Variants in FGD4 observed in about 807,000 individuals in gnomAD.
FGD4 encodes the protein FYVE, RhoGEF and PH domain-containing protein 4.
Under a neutral mutation model 102.0 loss-of-function variants are expected in FGD4, and 42 were observed. That is an observed-to-expected ratio of 0.41 (90% CI 0.32 to 0.53). FGD4 has a LOEUF of 0.53. FGD4 is among the 20% of genes least tolerant of loss of function. The pLI, the probability that FGD4 is intolerant of heterozygous loss-of-function variation, is 0.21. For synonymous variants in FGD4, 380 were observed against 375.7 expected, an observed-to-expected ratio of 1.01 and a Z score of -0.13; for missense variants, 902 against 1,078.2, an observed-to-expected ratio of 0.84 and a Z score of 2.29.
At chr12:32,516,658 C>G (rs1047463116) in intron 1 of FGD4, among the ~76,000 whole-genome samples, 1 of 152,198 alleles carries the variant, frequency 6.6e-6, no homozygotes, top group Non-Finnish European at 1.5e-5. Context: ...TTGGCATAAA[C>G]TCTCACATTT....
intron 1 of FGD4, among the ~76,000 whole-genome samples, chr12:32,428,637 T>C (rs1241012611): frequency 1.3e-5 from 2 of 152,236 alleles, no homozygotes; most frequent in Non-Finnish European, 2.9e-5. Flanking sequence ...GAAGTTCTCC[T>C]GGATAATATC....
At chr12:32,606,068 A>T (rs1265322810) in intron 7 of FGD4, among the ~76,000 whole-genome samples, 1 of 152,212 alleles carries the variant, frequency 6.6e-6, no homozygotes, top group African/African-American at 2.4e-5. Context: ...ACCTTAGGAA[A>T]CGCTCCTAAA....
chr12:32,447,972 TGTCTGTGTTGG>T, intron 1 of FGD4, among the ~76,000 whole-genome samples: 1 of 152,242 alleles, frequency 6.6e-6, no homozygotes, highest in African/African-American at 2.4e-5. Flanking sequence ...TTTGTTTTTG[TGTCTGTGTTGG>T]GGAAGGAACA....
chr12:32,500,398 TTTTA>T (rs1938117724), intron 1 of FGD4, among the ~76,000 whole-genome samples: 17 of 15,190 alleles, frequency 1.1e-3, no homozygotes, highest in Admixed American at 3.2e-3. Flanking sequence ...TTTATTTTTA[TTTTA>T]TTTTATTTTA....
At chr12:32,582,896 A>G (rs1328811306) in intron 4 of FGD4, 1 of 168,552 alleles carries the variant, frequency 5.9e-6, no homozygotes, top group Admixed American at 5.7e-5. Flanking sequence ...ACTTGCCACT[A>G]GTAAATGTTA....
chr12:32,569,035 G>A (rs752216251), intron 2 of FGD4, among the ~76,000 whole-genome samples: 11 of 152,218 alleles, frequency 7.2e-5, no homozygotes, highest in Non-Finnish European at 1.5e-4. Flanking sequence ...CTTGACCATC[G>A]TTCCATCCTT....
chr12:32,588,305 G>A (rs551516674), intron 4 of FGD4, among the ~76,000 whole-genome samples: 2 of 152,282 alleles, frequency 1.3e-5, no homozygotes, highest in Admixed American at 6.5e-5. Flanking sequence ...GCAAGGCACC[G>A]CAGTAAATAC....
intron 11 of FGD4, among the ~76,000 whole-genome samples, chr12:32,620,335 A>G (rs868010933): frequency 1.6e-4 from 24 of 152,110 alleles, no homozygotes; most frequent in African/African-American, 5.6e-4. Context: ...GCAAGGTGGT[A>G]AGGGTAAAAC....
At chr12:32,520,433 GTT>G (rs1374009063) in intron 1 of FGD4, among the ~76,000 whole-genome samples, 1 of 103,060 alleles carries the variant, frequency 9.7e-6, no homozygotes, top group African/African-American at 2.9e-5. Flanking sequence ...GGGTTTTTTT[GTT>G]TTTTGTTTTT....
chr12:32,583,383 A>C (rs773884946), intron 4 of FGD4, among the ~76,000 whole-genome samples: 32 of 152,204 alleles, frequency 2.1e-4, no homozygotes, highest in Non-Finnish European at 3.7e-4. Context: ...CATTTATAGA[A>C]GAAGAAATAG....
At chr12:32,431,119 A>C (rs1482531097) in intron 1 of FGD4, among the ~76,000 whole-genome samples, 1 of 152,224 alleles carries the variant, frequency 6.6e-6, no homozygotes, top group South Asian at 2.1e-4. Context: ...GGAGAGGTCG[A>C]AAAAAGGAAT....
Position 32,610,945 on chromosome 12 carries a change from A to G in FGD4, c.1602+111A>G. ...GTGAATTGAAATAGATGAGCCAAAA[A>G]GAATGTTTATGAAATGTTTAATGTT... On this transcript the variant is annotated intron_variant, in intron 9 of 16. Coordinates refer to ENST00000534526, the MANE Select transcript of FGD4 (RefSeq NM_001370298.3). 7 of 1,321,530 alleles carry G rather than the reference A, an allele frequency of 5.3e-6. No individual in the cohort carries two copies. The Admixed American group carries it at 7.5e-5, about 14-fold the overall frequency. 81.9% of individuals were successfully genotyped at this position (1,321,530 alleles called of 1,614,324 possible). A position where few individuals can be genotyped will look rare whatever the true frequency, so the allele number is the denominator to read the frequency against.
At chr12:32,612,028 C>G (rs1054054127) in intron 10 of FGD4, among the ~76,000 whole-genome samples, 2 of 152,230 alleles carry the variant, frequency 1.3e-5, no homozygotes, top group Non-Finnish European at 2.9e-5. Context: ...TGTTGCAAAC[C>G]GGCAGGGTGT....
intron 11 of FGD4, among the ~76,000 whole-genome samples, chr12:32,622,821 GACCTCAGGTGATCCACCC>G (rs1949927050): frequency 6.6e-6 from 1 of 152,090 alleles, no homozygotes; most frequent in South Asian, 2.1e-4. Context: ...TCAAACTCCT[GACCTCAGGTGATCCACCC>G]ACCTCGGCCT....
chr12:32,483,344 AT>A (rs1943813081), intron 1 of FGD4, among the ~76,000 whole-genome samples: 1 of 152,166 alleles, frequency 6.6e-6, no homozygotes, highest in African/African-American at 2.4e-5. Context: ...TATGGGTGCA[AT>A]TTTATTTCAG....
At chr12:32,596,295 C>T (rs1004809009) in intron 4 of FGD4, among the ~76,000 whole-genome samples, 4 of 152,210 alleles carry the variant, frequency 2.6e-5, no homozygotes, top group African/African-American at 9.6e-5. Flanking sequence ...AAAAGAAAAG[C>T]ATCTTAGACA....
intron 1 of FGD4, among the ~76,000 whole-genome samples, chr12:32,482,014 T>A (rs1943781238): frequency 6.6e-6 from 1 of 152,168 alleles, no homozygotes. Flanking sequence ...TTGTCACATG[T>A]CTTGGTACCT....
At chr12:32,567,702 T>G (rs79221585) in intron 2 of FGD4, among the ~76,000 whole-genome samples, 3 of 151,538 alleles carry the variant, frequency 2.0e-5, no homozygotes, top group Admixed American at 6.6e-5. Context: ...TTTTTTTTTT[T>G]TGAGAGAGAG....
At chr12:32,636,219 G>A (rs957976965) in intron 15 of FGD4, among the ~76,000 whole-genome samples, 27 of 151,986 alleles carry the variant, frequency 1.8e-4, no homozygotes, top group Admixed American at 1.3e-4. Context: ...GTGAGTTATC[G>A]TCTGCTAACC....
Sources: allele counts gnomAD v4.1 joint callset (sites outside exome capture counted in the v4.1 genomes callset), GRCh38; gene constraint gnomAD v4.1.1; transcripts MANE v1.5; gene names NCBI Gene and HGNC (gene_info 2026-07-23, HGNC 2026-07-21).